Variants in RBFOX1 observed in about 807,000 individuals in gnomAD.
RBFOX1 encodes RNA binding protein fox-1 homolog 1.
In RBFOX1, 8 loss-of-function variants were observed where a neutral mutation model predicts 57.7. The observed-to-expected ratio is 0.14, with a 90% CI of 0.08 to 0.25. The LOEUF (loss-of-function observed/expected upper bound fraction) is 0.25, where lower values mean the gene tolerates loss of function less well. Ranked by LOEUF, RBFOX1 falls within the 10% of genes least tolerant of loss-of-function variation. The pLI is 1.00. For synonymous variants in RBFOX1, 326 were observed against 222.4 expected, an observed-to-expected ratio of 1.47 and a Z score of -4.15; for missense variants, 611 against 548.5, an observed-to-expected ratio of 1.11 and a Z score of -1.14.
chr16:7,259,979 G>A (rs1292747957), intron 4 of RBFOX1, among the ~76,000 whole-genome samples: 2 of 152,118 alleles, frequency 1.3e-5, no homozygotes, highest in African/African-American at 4.8e-5. Context: ...TCAGGCTCAA[G>A]TAGTTGATCC....
At position 7,374,527 on chromosome 16, in the gene RBFOX1, C is replaced by T. The variant is rs566518459; in HGVS notation, c.28-143620C>T. ...AATATGTATATTAATGCTTTTTACT[C>T]AAGGAATCTACCTGGCTCTTAGCAA... On this transcript the variant is annotated intron_variant, in intron 4 of 15. Coordinates refer to ENST00000550418, the MANE Select transcript of RBFOX1 (RefSeq NM_018723.4). Among the ~76,000 whole-genome samples the T allele has an allele frequency of 8.0e-4, 121 of 152,122 alleles. 1 individual carries two copies. Among genetic ancestry groups the T allele is most frequent in the Non-Finnish European group, 1.5e-3 (101 of 68,032 alleles).
chr16:7,452,714 T>C (rs1196770832), intron 4 of RBFOX1, among the ~76,000 whole-genome samples: 1 of 152,170 alleles, frequency 6.6e-6, no homozygotes, highest in Non-Finnish European at 1.5e-5. Flanking sequence ...CTTTAATGAT[T>C]CCCTATTCTT....
chr16:5,526,378 T>G (rs1245813526), intron 2 of RBFOX1, among the ~76,000 whole-genome samples: 1 of 152,096 alleles, frequency 6.6e-6, no homozygotes, highest in Non-Finnish European at 1.5e-5. Flanking sequence ...AACCCCTGCC[T>G]CCCGGGGTCA....
At chr16:7,069,410 G>T (rs995223378) in intron 4 of RBFOX1, among the ~76,000 whole-genome samples, 16 of 152,040 alleles carry the variant, frequency 1.1e-4, no homozygotes, top group African/African-American at 3.9e-4. Flanking sequence ...CTGTGTGTTC[G>T]TTGTTCAGCT....
rs565755823 is a variant in RBFOX1 at position 6,272,748 on chromosome 16, T to C, written c.-126-44247T>C. Among the ~76,000 whole-genome samples, 155 of 152,294 alleles carry C rather than the reference T, an allele frequency of 1.0e-3. 1 individual carries two copies. Among genetic ancestry groups the C allele is most frequent in the South Asian group, 5.2e-3 (25 of 4,828 alleles). ...AGATGGATAGACACATAGATCCATT[T>C]TAAAAAGTGTATAGAACCCAGAAAT... is the stretch of plus-strand genomic sequence containing the variant. On this transcript the variant is annotated intron_variant, in intron 1 of 15. Coordinates refer to ENST00000550418, the MANE Select transcript of RBFOX1 (RefSeq NM_018723.4).
chr16:7,668,014 T>G (rs1005072740), intron 13 of RBFOX1, among the ~76,000 whole-genome samples: 1 of 152,176 alleles, frequency 6.6e-6, no homozygotes, highest in African/African-American at 2.4e-5. Flanking sequence ...AGTCAGTTTC[T>G]AGCTTCGGTC....
chr16:5,467,726 G>C (rs911120506), intron 2 of RBFOX1, among the ~76,000 whole-genome samples: 1 of 152,110 alleles, frequency 6.6e-6, no homozygotes. Flanking sequence ...TCAACTCTAC[G>C]TTATTATTGT....
chr16:5,635,579 G>A (rs1033396172), intron 3 of RBFOX1, among the ~76,000 whole-genome samples: 8 of 152,196 alleles, frequency 5.3e-5, no homozygotes, highest in Non-Finnish European at 7.3e-5. Context: ...GTAAATAAGC[G>A]TTTTAGCCTC....
At chr16:5,723,528 G>A (rs759135985) in intron 3 of RBFOX1, among the ~76,000 whole-genome samples, 4 of 151,760 alleles carry the variant, frequency 2.6e-5, no homozygotes, top group Non-Finnish European at 5.9e-5. Context: ...TGGTGTCTGA[G>A]ATCTGATTTT....
intron 4 of RBFOX1, among the ~76,000 whole-genome samples, chr16:7,248,800 A>G (rs183941282): frequency 5.3e-5 from 8 of 152,306 alleles, no homozygotes; most frequent in South Asian, 2.1e-4. Context: ...GGAAAATGCT[A>G]TTTATAACAG....
chr16:5,428,590 C>T (rs1232629368), intron 1 of RBFOX1, among the ~76,000 whole-genome samples: 1 of 152,018 alleles, frequency 6.6e-6, no homozygotes, highest in Non-Finnish European at 1.5e-5. Flanking sequence ...AAGAGGAGAC[C>T]AGGAAGGACT....
chr16:5,675,771 G>A (rs189337677), intron 3 of RBFOX1, among the ~76,000 whole-genome samples: 52 of 152,266 alleles, frequency 3.4e-4, no homozygotes, highest in African/African-American at 1.1e-3. Context: ...TGGATGGTAT[G>A]TGGAGACATG....
intron 4 of RBFOX1, among the ~76,000 whole-genome samples, chr16:7,297,104 A>C (rs2095910088): frequency 6.6e-6 from 1 of 152,212 alleles, no homozygotes; most frequent in Non-Finnish European, 1.5e-5. Flanking sequence ...TCAAGGGTCA[A>C]GGGAGAAGAC....
intron 6 of RBFOX1, 98 bp downstream of exon 6, chr16:7,580,018 A>C (rs990049509): frequency 7.5e-7 from 1 of 1,327,198 alleles, no homozygotes; most frequent in Non-Finnish European, 1.0e-6. Flanking sequence ...CTAAGGTTAG[A>C]TGTTTGTATG....
intron 3 of RBFOX1, among the ~76,000 whole-genome samples, chr16:6,802,833 A>C (rs1367997174): frequency 6.6e-6 from 1 of 152,224 alleles, no homozygotes; most frequent in Non-Finnish European, 1.5e-5. Context: ...TTGGCTATGA[A>C]GAATTTTATA....
rs1343522491 is a variant in RBFOX1, at chr16:6,256,185, ACG to A, written c.-126-60809_-126-60808del. Among the ~76,000 whole-genome samples, 2 of 37,304 alleles carry A rather than the reference ACG, an allele frequency of 5.4e-5. 1 individual carries two copies. Among genetic ancestry groups the A allele is most frequent in the Non-Finnish European group, 9.7e-5 (2 of 20,588 alleles). The allele number at this position is 37,304 out of a possible 152,430, so 24.5% of individuals were successfully genotyped here. ...TATATATATATGTATATATATATAT[ACG>A]TATATATATGTATATGTATATGTGT... On this transcript the variant is annotated intron_variant, in intron 1 of 15. Transcript: ENST00000550418.
chr16:6,614,710 A>T lies in RBFOX1; in HGVS notation c.-63-39893A>T, dbSNP rs138182824. Among the ~76,000 whole-genome samples, 3 of 152,202 alleles carry T rather than the reference A, an allele frequency of 2.0e-5. No homozygotes were observed. In the South Asian group the frequency reaches 6.2e-4, roughly 32 times the overall value. ...TTGGTGTTCCTCGGCTTATGGGTCT[A>T]TCACTCCAGTCTCTGGCTTTATCTT... On this transcript the variant is annotated intron_variant, in intron 2 of 15. Transcript: ENST00000550418.
intron 4 of RBFOX1, among the ~76,000 whole-genome samples, chr16:7,407,834 ACTATGGCC>A (rs567404573): frequency 1.2e-4 from 18 of 152,168 alleles, no homozygotes; most frequent in Admixed American, 1.2e-3. Context: ...GGGTGGGAAA[ACTATGGCC>A]CTGGGACCTA....
At chr16:6,222,684 T>TTTCTTATTA (rs1555561280) in intron 1 of RBFOX1, among the ~76,000 whole-genome samples, 4 of 141,302 alleles carry the variant, frequency 2.8e-5, no homozygotes, top group Non-Finnish European at 6.1e-5. Context: ...TTTCTTTTCT[T>TTTCTTATTA]TTATTATTAT....
Sources: gnomAD v4.1 joint callset for allele counts (sites outside exome capture counted in the v4.1 genomes callset) on GRCh38, gnomAD v4.1.1 for gene constraint, MANE v1.5 for transcripts, NCBI Gene and HGNC (gene_info 2026-07-23, HGNC 2026-07-21) for gene names.